Variants in SPON1 observed in about 807,000 individuals in gnomAD.
The protein encoded by SPON1 is spondin 1.
In SPON1, 52 loss-of-function variants were observed where a neutral mutation model predicts 111.7. The ratio of observed to expected loss-of-function variants is 0.47; its 90% CI spans 0.37 to 0.59. SPON1 has a LOEUF of 0.59. Among genes scored for constraint, SPON1 ranks in the 20% least tolerant of loss-of-function variants. The probability of loss-of-function intolerance (pLI) is 0.00; values close to 1 mark genes in which losing one functional copy is unlikely to be tolerated. For synonymous variants in SPON1, 410 were observed against 395.8 expected, an observed-to-expected ratio of 1.04 and a Z score of -0.43; for missense variants, 957 against 1,068.5, an observed-to-expected ratio of 0.90 and a Z score of 1.46.
chr11:14,192,755 A>G (rs1209312086), intron 6 of SPON1, among the ~76,000 whole-genome samples: 1 of 139,556 alleles, frequency 7.2e-6, no homozygotes. Flanking sequence ...ACAGGATGCA[A>G]CGTCTGGAAA....
chr11:14,202,352 T>G (rs893092134), intron 6 of SPON1, among the ~76,000 whole-genome samples: 4 of 152,192 alleles, frequency 2.6e-5, no homozygotes, highest in African/African-American at 7.2e-5. Context: ...TGTGCCTTGG[T>G]GGAGTTTTTA....
chr11:14,205,063 AC>A (rs1326038575), intron 6 of SPON1, among the ~76,000 whole-genome samples: 2 of 151,948 alleles, frequency 1.3e-5, no homozygotes, highest in African/African-American at 4.8e-5. Context: ...ATGTCCAGTG[AC>A]TTCCTTCTCT....
chr11:14,231,077 T>C lies in SPON1; in HGVS notation c.826-12255T>C, dbSNP rs559827202. 1.8e-4 allele frequency among the ~76,000 whole-genome samples: 27 copies of C among 152,240 alleles called. No individual in the cohort carries two copies. In the South Asian group the frequency reaches 3.5e-3, roughly 20 times the overall value. Reference sequence around the variant, plus strand: ...GTCTTCTTGCCTTAGCCTTCCAAAGTGCTGGGATTACAGGCATGAGCCACT... The same window carrying C: ...GTCTTCTTGCCTTAGCCTTCCAAAGCGCTGGGATTACAGGCATGAGCCACT... On this transcript the variant is annotated intron_variant, in intron 6 of 15. Transcript: ENST00000576479.
intron 7 of SPON1, among the ~76,000 whole-genome samples, chr11:14,246,947 T>G (rs1235453806): frequency 6.6e-6 from 1 of 152,166 alleles, no homozygotes; most frequent in Non-Finnish European, 1.5e-5. Context: ...TTAGAAAATC[T>G]GGAGAGACCA....
At chr11:14,017,001 C>T (rs1270973764) in intron 2 of SPON1, among the ~76,000 whole-genome samples, 2 of 152,130 alleles carry the variant, frequency 1.3e-5, no homozygotes, top group Non-Finnish European at 2.9e-5. Flanking sequence ...TTTTCAGGTG[C>T]CCAGAGATTG....
intron 6 of SPON1, among the ~76,000 whole-genome samples, chr11:14,221,110 C>T (rs533729232): frequency 9.2e-5 from 14 of 152,286 alleles, no homozygotes; most frequent in East Asian, 3.9e-4. Flanking sequence ...TTCACTTACT[C>T]GTTCATTCAT....
intron 1 of SPON1, among the ~76,000 whole-genome samples, chr11:13,963,958 TCCA>T (rs1390561465): frequency 1.3e-5 from 2 of 152,126 alleles, no homozygotes; most frequent in Non-Finnish European, 2.9e-5. Context: ...GCTCGGAGTC[TCCA>T]CGTCCCAGGG....
chr11:14,017,997 C>T (rs1206395063), intron 2 of SPON1, among the ~76,000 whole-genome samples: 5 of 152,102 alleles, frequency 3.3e-5, no homozygotes, highest in African/African-American at 1.2e-4. Context: ...TTTTATTGAT[C>T]ACTTGCCTGA....
At chr11:14,128,127 C>T (rs1847482389) in intron 5 of SPON1, among the ~76,000 whole-genome samples, 1 of 152,148 alleles carries the variant, frequency 6.6e-6, no homozygotes, top group Non-Finnish European at 1.5e-5. Flanking sequence ...TCATGTCTTT[C>T]TCACATTTCA....
intron 7 of SPON1, among the ~76,000 whole-genome samples, chr11:14,249,046 T>C (rs1427252125): frequency 1.3e-5 from 2 of 152,250 alleles, no homozygotes; most frequent in Non-Finnish European, 2.9e-5. Context: ...GTTCCTCCAA[T>C]TGCATCTGAA....
chr11:14,141,889 A>G (rs776195739), intron 6 of SPON1, among the ~76,000 whole-genome samples: 24 of 152,052 alleles, frequency 1.6e-4, no homozygotes, highest in Non-Finnish European at 2.2e-4. Flanking sequence ...CCACACACAA[A>G]CACACACACA....
chr11:13,990,717 T>A (rs1375732290), intron 2 of SPON1, among the ~76,000 whole-genome samples: 1 of 152,174 alleles, frequency 6.6e-6, no homozygotes, highest in African/African-American at 2.4e-5. Context: ...TACCAGTTGT[T>A]CCTTTCCATG....
intron 3 of SPON1, among the ~76,000 whole-genome samples, chr11:14,050,572 A>G (rs1185676600): frequency 6.6e-6 from 1 of 151,694 alleles, no homozygotes; most frequent in Non-Finnish European, 1.5e-5. Context: ...AAAATTATTG[A>G]TTCTTGTCCT....
At chr11:14,026,665 A>C (rs1251177665) in intron 2 of SPON1, among the ~76,000 whole-genome samples, 1 of 152,212 alleles carries the variant, frequency 6.6e-6, no homozygotes, top group African/African-American at 2.4e-5. Context: ...CTTCAGGGTT[A>C]AGGAAAGGAT....
chr11:14,192,075 A>G (rs1848352148), intron 6 of SPON1, among the ~76,000 whole-genome samples: 1 of 152,188 alleles, frequency 6.6e-6, no homozygotes, highest in African/African-American at 2.4e-5. Context: ...TCAGAAAATA[A>G]AGAAAATTAT....
At chr11:14,084,122 T>C (rs576226635) in intron 5 of SPON1, among the ~76,000 whole-genome samples, 1 of 152,292 alleles carries the variant, frequency 6.6e-6, no homozygotes, top group East Asian at 1.9e-4. Context: ...TTATTGTTTT[T>C]TCAAGGACAT....
chr11:14,249,573 A>T (rs1258136647), intron 7 of SPON1, among the ~76,000 whole-genome samples: 1 of 152,190 alleles, frequency 6.6e-6, no homozygotes, highest in African/African-American at 2.4e-5. Context: ...GAAAATTCAG[A>T]TTATTGAAAA....
At chr11:14,193,322 G>A (rs1848367431) in intron 6 of SPON1, among the ~76,000 whole-genome samples, 1 of 152,126 alleles carries the variant, frequency 6.6e-6, no homozygotes, top group South Asian at 2.1e-4. Flanking sequence ...CCTCCAGAGA[G>A]GACCCAAGCC....
chr11:13,997,648 A>C (rs1201940343), intron 2 of SPON1, among the ~76,000 whole-genome samples: 1 of 152,224 alleles, frequency 6.6e-6, no homozygotes, highest in Non-Finnish European at 1.5e-5. Flanking sequence ...TCAAAGGTGT[A>C]ACTACTAGCT....
Sources: allele counts gnomAD v4.1 joint callset (sites outside exome capture counted in the v4.1 genomes callset), GRCh38; gene constraint gnomAD v4.1.1; transcripts MANE v1.5; gene names NCBI Gene and HGNC (gene_info 2026-07-23, HGNC 2026-07-21).